PKP4: variants seen among roughly 807,000 people sequenced by gnomAD.
The protein encoded by PKP4 is plakophilin 4, also known as plakophilin-4.
In PKP4, 90 loss-of-function variants were observed where a neutral mutation model predicts 145.1. That is an observed-to-expected ratio of 0.62 (90% CI 0.52 to 0.74). The LOEUF is 0.74. Among genes scored for constraint, PKP4 ranks in the 30% least tolerant of loss-of-function variants. PKP4 has a pLI of 0.00. For missense variants in PKP4, 1,340 were observed against 1,482.7 expected (o/e 0.90, Z 1.58); for synonymous variants, 563 against 577.2 (o/e 0.98, Z 0.35).
intron 1 of PKP4, among the ~76,000 whole-genome samples, chr2:158,511,161 C>T (rs1241397621): frequency 1.3e-5 from 2 of 152,136 alleles, no homozygotes; most frequent in Non-Finnish European, 2.9e-5. Context: ...CCAAGGCGAG[C>T]GGATCACCTG....
intron 19 of PKP4, among the ~76,000 whole-genome samples, chr2:158,674,915 G>A (rs2057876454): frequency 1.3e-5 from 2 of 152,180 alleles, no homozygotes; most frequent in African/African-American, 4.8e-5. Context: ...ATGGCCAGTG[G>A]TTCTTGCCAC....
At chr2:158,553,385 C>A (rs1340983985) in intron 2 of PKP4, among the ~76,000 whole-genome samples, 1 of 152,206 alleles carries the variant, frequency 6.6e-6, no homozygotes, top group African/African-American at 2.4e-5. Context: ...CAGGGAAGAT[C>A]TGTGGATGAC....
chr2:158,663,772 G>T (rs1291819166), intron 15 of PKP4, among the ~76,000 whole-genome samples: 1 of 152,180 alleles, frequency 6.6e-6, no homozygotes, highest in African/African-American at 2.4e-5. Context: ...GTAAGGGAAG[G>T]TCAGGAAAAG....
intron 2 of PKP4, among the ~76,000 whole-genome samples, chr2:158,551,437 C>T (rs1224719007): frequency 6.6e-6 from 1 of 152,200 alleles, no homozygotes; most frequent in African/African-American, 2.4e-5. Flanking sequence ...GCCTGTTGCT[C>T]TACTAAAACC....
chr2:158,482,257 A>G (rs966948792), intron 1 of PKP4, among the ~76,000 whole-genome samples: 2 of 152,148 alleles, frequency 1.3e-5, no homozygotes, highest in Non-Finnish European at 2.9e-5. Context: ...GCTAAGCTAG[A>G]TGTGCTATAT....
intron 2 of PKP4, among the ~76,000 whole-genome samples, chr2:158,540,502 T>G (rs1468165331): frequency 2.0e-5 from 3 of 152,184 alleles, no homozygotes; most frequent in Non-Finnish European, 4.4e-5. Context: ...GGGGGATAAG[T>G]AGACATATAA....
intron 3 of PKP4, among the ~76,000 whole-genome samples, chr2:158,579,425 C>T (rs1185641955): frequency 2.0e-5 from 3 of 148,780 alleles, no homozygotes; most frequent in African/African-American, 7.5e-5. Context: ...CATGTATTTC[C>T]AAATTAGTTC....
At chr2:158,592,467 G>T (rs1196035738) in intron 3 of PKP4, among the ~76,000 whole-genome samples, 1 of 151,962 alleles carries the variant, frequency 6.6e-6, no homozygotes, top group Non-Finnish European at 1.5e-5. Flanking sequence ...CATGTTTCTT[G>T]TCCATGAATC....
chr2:158,489,324 GTGGCCA>G (rs1368310317), intron 1 of PKP4, among the ~76,000 whole-genome samples: 1 of 152,086 alleles, frequency 6.6e-6, no homozygotes, highest in African/African-American at 2.4e-5. Flanking sequence ...GAGTTTTAAT[GTGGCCA>G]CACTATCTTA....
At chr2:158,610,157 A>G (rs2051008369) in intron 4 of PKP4, among the ~76,000 whole-genome samples, 1 of 151,996 alleles carries the variant, frequency 6.6e-6, no homozygotes. Context: ...TTTTATGAGG[A>G]GCAGTTTATT....
chr2:158,591,459 G>A (rs1169961940), intron 3 of PKP4, among the ~76,000 whole-genome samples: 1 of 152,010 alleles, frequency 6.6e-6, no homozygotes, highest in Non-Finnish European at 1.5e-5. Context: ...GTAGAATAAA[G>A]ATGTCAATGA....
At chr2:158,487,977 T>G (rs1369226854) in intron 1 of PKP4, among the ~76,000 whole-genome samples, 1 of 152,230 alleles carries the variant, frequency 6.6e-6, no homozygotes, top group Non-Finnish European at 1.5e-5. Flanking sequence ...ATTGATTCGT[T>G]TCTTCAGTTG....
chr2:158,614,849 A>C (rs2051444931), intron 4 of PKP4, among the ~76,000 whole-genome samples: 1 of 152,134 alleles, frequency 6.6e-6, no homozygotes, highest in Non-Finnish European at 1.5e-5. Context: ...TCAAGTCTGA[A>C]AACCCTTCTT....
rs373776022 is a variant in PKP4, at chr2:158,604,672, G to A, written c.280+1568G>A. ...AGTGTCAAAATGGAGAGCCAGTTTC[G>A]GTGGGGGTGCTCTGGACCACAGTGT... On this transcript the variant is annotated intron_variant, in intron 4 of 21. Coordinates refer to ENST00000389759, the MANE Select transcript of PKP4 (RefSeq NM_003628.6). Among the ~76,000 whole-genome samples, 8 of 152,190 alleles carry A rather than the reference G, an allele frequency of 5.3e-5. No individual in the cohort carries two copies. The South Asian group carries it at 1.5e-3, about 28-fold the overall frequency.
chr2:158,547,069 G>T (rs186064405), intron 2 of PKP4, among the ~76,000 whole-genome samples: 1 of 152,144 alleles, frequency 6.6e-6, no homozygotes, highest in African/African-American at 2.4e-5. Context: ...TTGGGCCATG[G>T]GGGGGCAGTG....
chr2:158,503,761 G>T (rs1427792610), intron 1 of PKP4, among the ~76,000 whole-genome samples: 1 of 152,106 alleles, frequency 6.6e-6, no homozygotes, highest in African/African-American at 2.4e-5. Flanking sequence ...AAAGCACTTT[G>T]TTCAGTTGTA....
intron 2 of PKP4, among the ~76,000 whole-genome samples, chr2:158,550,779 T>C (rs2045552911): frequency 6.6e-6 from 1 of 152,196 alleles, no homozygotes; most frequent in Admixed American, 6.5e-5. Flanking sequence ...CATTTATTGA[T>C]TTAGGTACAT....
chr2:158,640,695 T>C lies in PKP4; in HGVS notation c.1631T>C (p.Val544Ala). Residue 544 changes from valine to alanine, a missense_variant, in exon 10 of 22, where the codon GTT becomes GCT. Coordinates refer to ENST00000389759, the MANE Select transcript of PKP4 (RefSeq NM_003628.6). The part of the protein sequence containing the change: ...IHMLQHQFPS[V>A]QANAAAYLQH... The stretch of plus-strand genomic sequence containing the variant: ...ATGCTTCAGCACCAGTTCCCATCTG[T>C]TCAGGCAAATGCAGCGGCCTACCTG... 1 of 1,614,122 alleles carries C rather than the reference T, an allele frequency of 6.2e-7. No homozygotes were observed. Among genetic ancestry groups the C allele is most frequent in the Non-Finnish European group, 8.5e-7 (1 of 1,179,992 alleles).
intron 2 of PKP4, chr2:158,549,133 G>T: frequency 4.9e-6 from 1 of 202,120 alleles, no homozygotes. Context: ...CGCCATCACT[G>T]GGGAGGCAGT....
Sources: allele counts gnomAD v4.1 joint callset (sites outside exome capture counted in the v4.1 genomes callset), GRCh38; gene constraint gnomAD v4.1.1; transcripts MANE v1.5; gene names NCBI Gene and HGNC (gene_info 2026-07-23, HGNC 2026-07-21).